The following WWOX variants were observed in gnomAD, a reference collection of about 807,000 sequenced individuals.
WWOX encodes the protein WW domain-containing oxidoreductase.
Under a neutral mutation model 46.2 loss-of-function variants are expected in WWOX, and 69 were observed. The ratio of observed to expected loss-of-function variants is 1.49; its 90% confidence interval spans 1.23 to 1.82. WWOX has a LOEUF of 1.82. Among genes scored for constraint, WWOX ranks in the 40% most tolerant of loss-of-function variants. WWOX has a pLI of 0.00. For synonymous variants in WWOX, 359 were observed against 202.6 expected (o/e 1.77, Z -6.56); for missense variants, 919 against 542.6 (o/e 1.69, Z -6.89).
At chr16:78,125,009 A>G (rs1369213684) in intron 4 of WWOX, among the ~76,000 whole-genome samples, 2 of 152,200 alleles carry the variant, frequency 1.3e-5, no homozygotes, top group Non-Finnish European at 2.9e-5. Context: ...GAGGAACAAA[A>G]TCAGAATCAA....
At chr16:78,961,304 A>T (rs2151312292) in intron 8 of WWOX, among the ~76,000 whole-genome samples, 1 of 152,358 alleles carries the variant, frequency 6.6e-6, no homozygotes, top group African/African-American at 2.4e-5. Flanking sequence ...TATATAATTG[A>T]ACATGCCTAA....
chr16:78,885,775 A>G (rs2044443228), intron 8 of WWOX, among the ~76,000 whole-genome samples: 1 of 152,126 alleles, frequency 6.6e-6, no homozygotes, highest in South Asian at 2.1e-4. Context: ...GATTTACCTA[A>G]TAGAAGGATC....
chr16:78,459,082 G>A (rs1402436588), intron 8 of WWOX, among the ~76,000 whole-genome samples: 1 of 152,144 alleles, frequency 6.6e-6, no homozygotes, highest in Non-Finnish European at 1.5e-5. Context: ...GATGACTTTG[G>A]AAGGACTGAT....
At chr16:78,522,529 C>G (rs1034630326) in intron 8 of WWOX, among the ~76,000 whole-genome samples, 1 of 152,256 alleles carries the variant, frequency 6.6e-6, no homozygotes, top group South Asian at 2.1e-4. Flanking sequence ...ATATGACCTC[C>G]AGATTTCTCT....
In WWOX at chr16:78,422,663, G is replaced by GTATATATATATATA. The variant is rs569996246; in HGVS notation, c.606-2198_606-2185dup. Among the ~76,000 whole-genome samples the GTATATATATATATA allele has an allele frequency of 9.3e-3, 226 of 24,364 alleles. 14 individuals carry two copies. The highest frequency in any genetic ancestry group is 0.015 in the African/African-American group (158 of 10,224). 16.0% of individuals were successfully genotyped at this position (24,364 alleles called of 152,430 possible). On this transcript the variant is annotated intron_variant, in intron 6 of 8. Transcript: ENST00000566780. ...GCCCAGCCTCCTGTTTTTTTTACAT[G>GTATATATATATATA]TATATATATATATATATATATACAC...
At chr16:78,927,650 A>G (rs983596259) in intron 8 of WWOX, among the ~76,000 whole-genome samples, 2 of 152,182 alleles carry the variant, frequency 1.3e-5, no homozygotes, top group Non-Finnish European at 2.9e-5. Flanking sequence ...AATTGGAGAG[A>G]AGGAAGGTAA....
At chr16:78,850,415 T>G (rs2052412974) in intron 8 of WWOX, among the ~76,000 whole-genome samples, 1 of 152,176 alleles carries the variant, frequency 6.6e-6, no homozygotes, top group Non-Finnish European at 1.5e-5. Flanking sequence ...ATTATTAATG[T>G]CAAATATCAG....
At position 79,137,165 on chromosome 16, in the gene WWOX, G is replaced by A. The variant is rs540935568; in HGVS notation, c.1057-74443G>A. 9.8e-5 allele frequency among the ~76,000 whole-genome samples: 15 copies of A among 152,300 alleles called. No individual in the cohort carries two copies. The South Asian group carries it at 1.9e-3, about 19-fold the overall frequency. ...GATCTCTGTAGCAGGCACATGCAAC[G>A]TCCAGTGCTTCCCTGCTGGTAATGT... On this transcript the variant is annotated intron_variant, in intron 8 of 8. Transcript: ENST00000566780.
At chr16:78,303,324 CT>C (rs1243560282) in intron 5 of WWOX, among the ~76,000 whole-genome samples, 1 of 152,060 alleles carries the variant, frequency 6.6e-6, no homozygotes, top group Non-Finnish European at 1.5e-5. Context: ...TCATTGTGGT[CT>C]TTTTAATCCC....
intron 6 of WWOX, among the ~76,000 whole-genome samples, chr16:78,401,926 C>T (rs527694284): frequency 3.3e-4 from 50 of 152,250 alleles, no homozygotes; most frequent in Admixed American, 1.1e-3. Context: ...TCTCAAACTC[C>T]TGACCTCTAG....
intron 8 of WWOX, among the ~76,000 whole-genome samples, chr16:78,917,147 A>G (rs2045270977): frequency 6.6e-6 from 1 of 152,192 alleles, no homozygotes; most frequent in African/African-American, 2.4e-5. Context: ...CAACATGCCC[A>G]CTCTCAACCA....
At chr16:78,927,929 G>C (rs1455966042) in intron 8 of WWOX, among the ~76,000 whole-genome samples, 1 of 152,078 alleles carries the variant, frequency 6.6e-6, no homozygotes, top group Non-Finnish European at 1.5e-5. Flanking sequence ...TTTTGCTTAA[G>C]TTTGCAGAGA....
chr16:78,324,050 A>C (rs766391218), intron 5 of WWOX, among the ~76,000 whole-genome samples: 1 of 152,104 alleles, frequency 6.6e-6, no homozygotes, highest in African/African-American at 2.4e-5. Flanking sequence ...AGAAAAATCA[A>C]TTTACAGGTA....
intron 5 of WWOX, among the ~76,000 whole-genome samples, chr16:78,358,612 A>G (rs1032400835): frequency 6.6e-6 from 1 of 152,136 alleles, no homozygotes; most frequent in African/African-American, 2.4e-5. Flanking sequence ...GAGCCGAGAT[A>G]GTTCTACTGC....
intron 5 of WWOX, among the ~76,000 whole-genome samples, chr16:78,325,522 G>A (rs116896545): frequency 1.6e-4 from 25 of 152,280 alleles, no homozygotes; most frequent in Non-Finnish European, 2.8e-4. Context: ...AGTTACCACC[G>A]TGATGGAGAG....
intron 5 of WWOX, among the ~76,000 whole-genome samples, chr16:78,276,467 G>C (rs534142039): frequency 6.6e-6 from 1 of 152,194 alleles, no homozygotes; most frequent in Admixed American, 6.5e-5. Context: ...GCACAAAGCA[G>C]AGTTTTTCCA....
chr16:79,185,309 A>C (rs1156281032), intron 8 of WWOX, among the ~76,000 whole-genome samples: 1 of 152,326 alleles, frequency 6.6e-6, no homozygotes, highest in East Asian at 1.9e-4. Context: ...ATAAAAAACA[A>C]AATTTCAACC....
chr16:78,807,775 G>C (rs1038482130), intron 8 of WWOX, among the ~76,000 whole-genome samples: 2 of 152,196 alleles, frequency 1.3e-5, no homozygotes, highest in Admixed American at 1.3e-4. Context: ...TTGTTTGTCT[G>C]ATACGGTAGC....
At chr16:78,723,629 T>TTCTTTTCTTTTTTC (rs1555523695) in intron 8 of WWOX, among the ~76,000 whole-genome samples, 2 of 90,274 alleles carry the variant, frequency 2.2e-5, no homozygotes, top group African/African-American at 9.4e-5. Context: ...TTTCTTTTCT[T>TTCTTTTCTTTTTTC]TTTTCTTTTC....
Sources: allele counts gnomAD v4.1 joint callset (sites outside exome capture counted in the v4.1 genomes callset), GRCh38; gene constraint gnomAD v4.1.1; transcripts MANE v1.5; gene names NCBI Gene and HGNC (gene_info 2026-07-23, HGNC 2026-07-21).